The following PRKCH variants were observed in gnomAD, a reference collection of about 807,000 sequenced individuals.
PRKCH encodes the protein protein kinase C eta type.
Under a neutral mutation model 82.5 loss-of-function variants are expected in PRKCH, and 28 were observed. That is an observed-to-expected ratio of 0.34 (90% confidence interval 0.25 to 0.47). PRKCH has a LOEUF of 0.47. PRKCH is among the 20% of genes least tolerant of loss of function. The pLI is 1.00. For synonymous variants in PRKCH, 322 were observed against 327.4 expected, an observed-to-expected ratio of 0.98 and a Z score of 0.18; for missense variants, 705 against 881.8, an observed-to-expected ratio of 0.80 and a Z score of 2.54.
At chr14:61,505,011 A>G (rs1008474846) in intron 10 of PRKCH, among the ~76,000 whole-genome samples, 1 of 152,200 alleles carries the variant, frequency 6.6e-6, no homozygotes, top group African/African-American at 2.4e-5. Context: ...AAGCACACAA[A>G]CAAGTAAAAG....
At chr14:61,245,175 C>A (rs2044869281) in intron 1 of PRKCH, among the ~76,000 whole-genome samples, 2 of 152,104 alleles carry the variant, frequency 1.3e-5, no homozygotes, top group East Asian at 1.9e-4. Context: ...GCTTGCAAAT[C>A]AATTTGGAAT....
At chr14:61,315,230 T>C (rs2045553172) in intron 1 of PRKCH, among the ~76,000 whole-genome samples, 1 of 152,112 alleles carries the variant, frequency 6.6e-6, no homozygotes, top group Admixed American at 6.5e-5. Flanking sequence ...GCTGAGAGTC[T>C]CAGTCTTCCC....
intron 1 of PRKCH, among the ~76,000 whole-genome samples, chr14:61,335,376 C>T (rs943202861): frequency 2.6e-5 from 4 of 152,042 alleles, no homozygotes; most frequent in African/African-American, 9.7e-5. Context: ...TATTTGTTTT[C>T]TATGGACTCA....
At chr14:61,486,339 G>A (rs922438490) in intron 10 of PRKCH, among the ~76,000 whole-genome samples, 1 of 152,188 alleles carries the variant, frequency 6.6e-6, no homozygotes, top group Non-Finnish European at 1.5e-5. Context: ...GGAGCTAGGT[G>A]AGCCACTTGT....
chr14:61,196,159 A>G (rs1373527159), intron 1 of PRKCH, among the ~76,000 whole-genome samples: 1 of 152,148 alleles, frequency 6.6e-6, no homozygotes. Flanking sequence ...ATAACATTGG[A>G]TCCTGGAGGG....
In PRKCH at chr14:61,265,518, A is replaced by G. The variant is rs142524237; in HGVS notation, c.-19+77850A>G. Reference sequence around the variant, plus strand: ...CAAAAACCCTCACTTTACAGAGGAGACACAGAACATTAAATAACTTTTCCA... The same window carrying G: ...CAAAAACCCTCACTTTACAGAGGAGGCACAGAACATTAAATAACTTTTCCA... On this transcript the variant is annotated intron_variant, in intron 1 of 3. Transcript: ENST00000555185. Among the ~76,000 whole-genome samples the G allele has an allele frequency of 1.1e-3, 168 of 152,250 alleles. No individual in the cohort carries two copies. The Middle Eastern group carries it at 0.014, about 12-fold the overall frequency.
chr14:61,481,363 A>G (rs1594750929), intron 9 of PRKCH, among the ~76,000 whole-genome samples: 2 of 152,172 alleles, frequency 1.3e-5, no homozygotes, highest in South Asian at 4.1e-4. Context: ...TGTGGATGCC[A>G]TTCCAACAAG....
At chr14:61,509,202 G>A (rs955662870) in intron 10 of PRKCH, among the ~76,000 whole-genome samples, 26 of 152,096 alleles carry the variant, frequency 1.7e-4, no homozygotes, top group Admixed American at 3.9e-4. Flanking sequence ...TGTAAATTAC[G>A]CGTAAATATG....
At chr14:61,319,545 T>C (rs942450699), upstream of PRKCH, among the ~76,000 whole-genome samples, 1 of 152,048 alleles carries the variant, frequency 6.6e-6, no homozygotes, top group Non-Finnish European at 1.5e-5. Context: ...CACCTACCAT[T>C]TGGGGACTGT....
chr14:61,341,105 C>T (rs1376803869), intron 1 of PRKCH, among the ~76,000 whole-genome samples: 2 of 152,190 alleles, frequency 1.3e-5, no homozygotes, highest in African/African-American at 2.4e-5. Flanking sequence ...GCCCTAACCT[C>T]CCTCCTGCCA....
intron 1 of PRKCH, among the ~76,000 whole-genome samples, chr14:61,385,398 A>C (rs2046572412): frequency 6.6e-6 from 1 of 152,156 alleles, no homozygotes; most frequent in Non-Finnish European, 1.5e-5. Context: ...GGTTTTTATG[A>C]AGGTTTTGAG....
chr14:61,423,567 A>G (rs1882966774), intron 2 of PRKCH, among the ~76,000 whole-genome samples: 1 of 152,180 alleles, frequency 6.6e-6, no homozygotes, highest in Non-Finnish European at 1.5e-5. Flanking sequence ...GAAAAGTGAG[A>G]AGCCATTCCA....
intron 2 of PRKCH, among the ~76,000 whole-genome samples, chr14:61,397,284 C>T (rs2046800007): frequency 6.6e-6 from 1 of 152,082 alleles, no homozygotes; most frequent in African/African-American, 2.4e-5. Context: ...AGTCATTTAC[C>T]AGGGTAGAAA....
intron 9 of PRKCH, among the ~76,000 whole-genome samples, chr14:61,469,889 C>T (rs1885422056): frequency 6.6e-6 from 1 of 152,078 alleles, no homozygotes; most frequent in Admixed American, 6.5e-5. Flanking sequence ...GGCTCGCCTT[C>T]AAGCCTTGAG....
intron 1 of PRKCH, among the ~76,000 whole-genome samples, chr14:61,256,408 A>G (rs2044998197): frequency 3.3e-5 from 5 of 152,140 alleles, no homozygotes. Flanking sequence ...CCGTCAGTGA[A>G]GCCCACCGCC....
chr14:61,473,567 A>C (rs543828284), intron 9 of PRKCH, among the ~76,000 whole-genome samples: 3 of 152,330 alleles, frequency 2.0e-5, no homozygotes, highest in Non-Finnish European at 4.4e-5. Flanking sequence ...TGGAAGCCTA[A>C]AGAGAATGGA....
intron 10 of PRKCH, among the ~76,000 whole-genome samples, chr14:61,510,650 G>A (rs928262543): frequency 5.9e-5 from 9 of 152,074 alleles, no homozygotes; most frequent in Admixed American, 5.2e-4. Flanking sequence ...CCGGAGAGAG[G>A]TGTCAGGATA....
At chr14:61,347,351 C>G (rs1355689308) in intron 1 of PRKCH, among the ~76,000 whole-genome samples, 3 of 152,170 alleles carry the variant, frequency 2.0e-5, no homozygotes, top group Non-Finnish European at 4.4e-5. Context: ...ATCTTCAAGT[C>G]TCCATGGACA....
chr14:61,436,527 CATTT>C (rs1046111916), intron 2 of PRKCH, among the ~76,000 whole-genome samples: 1 of 152,066 alleles, frequency 6.6e-6, no homozygotes, highest in African/African-American at 2.4e-5. Flanking sequence ...CTTTTGCTGC[CATTT>C]ATTTTCAACT....
Sources: allele counts gnomAD v4.1 joint callset (sites outside exome capture counted in the v4.1 genomes callset), GRCh38; gene constraint gnomAD v4.1.1; transcripts MANE v1.5; gene names NCBI Gene and HGNC (gene_info 2026-07-23, HGNC 2026-07-21).